GTF2F2: variants seen among roughly 807,000 people sequenced by gnomAD.
GTF2F2 encodes general transcription factor IIF subunit 2.
In GTF2F2, 23 loss-of-function variants were observed where a neutral mutation model predicts 42.2. The ratio of observed to expected loss-of-function variants is 0.55; its 90% confidence interval spans 0.39 to 0.77. The LOEUF (loss-of-function observed/expected upper bound fraction) is 0.77, where lower values mean the gene tolerates loss of function less well. Ranked by LOEUF, GTF2F2 falls within the 30% of genes least tolerant of loss-of-function variation. The probability of loss-of-function intolerance (pLI) is 0.00; values close to 1 mark genes in which losing one functional copy is unlikely to be tolerated. For missense variants in GTF2F2, 261 were observed against 287.2 expected, an observed-to-expected ratio of 0.91 and a Z score of 0.66; for synonymous variants, 105 against 100.8, an observed-to-expected ratio of 1.04 and a Z score of -0.25.
At chr13:45,182,385 C>G (rs757873672) in intron 4 of GTF2F2, among the ~76,000 whole-genome samples, 1 of 152,122 alleles carries the variant, frequency 6.6e-6, no homozygotes, top group African/African-American at 2.4e-5. Context: ...GTATGAATCA[C>G]TGCACCCGGC....
chr13:45,259,847 C>G (rs1034130674), intron 6 of GTF2F2, among the ~76,000 whole-genome samples: 1 of 151,904 alleles, frequency 6.6e-6, no homozygotes, highest in African/African-American at 2.4e-5. Flanking sequence ...ATCTCGGCCT[C>G]CCAAAGTGTT....
intron 4 of GTF2F2, chr13:45,193,500 A>G: frequency 3.4e-6 from 1 of 291,686 alleles, no homozygotes; most frequent in East Asian, 5.9e-5. Flanking sequence ...TCTGAATTGA[A>G]AGACAGCTTA....
At chr13:45,171,141 G>C (rs566355477) in intron 4 of GTF2F2, among the ~76,000 whole-genome samples, 1 of 130,082 alleles carries the variant, frequency 7.7e-6, no homozygotes, top group South Asian at 2.4e-4. Context: ...GCAGTAATTC[G>C]ATCTTGGCTC....
intron 4 of GTF2F2, among the ~76,000 whole-genome samples, chr13:45,190,760 TG>T: frequency 6.6e-6 from 1 of 152,072 alleles, no homozygotes; most frequent in East Asian, 1.9e-4. Context: ...TTTTTGTTTT[TG>T]TTTTTTTTGA....
At chr13:45,238,095 A>G (rs981198961) in intron 5 of GTF2F2, among the ~76,000 whole-genome samples, 5 of 152,186 alleles carry the variant, frequency 3.3e-5, no homozygotes, top group Admixed American at 6.5e-5. Context: ...CTGGGATTAC[A>G]GGTGCACACC....
At chr13:45,124,954 A>G (rs1364236766) in intron 1 of GTF2F2, among the ~76,000 whole-genome samples, 1 of 152,204 alleles carries the variant, frequency 6.6e-6, no homozygotes, top group Non-Finnish European at 1.5e-5. Flanking sequence ...TGCTGGGATT[A>G]TAGATGTGAG....
chr13:45,186,788 CGAG>C (rs1298398442), intron 4 of GTF2F2, among the ~76,000 whole-genome samples: 1 of 151,912 alleles, frequency 6.6e-6, no homozygotes, highest in Non-Finnish European at 1.5e-5. Context: ...CCTGTTTTAA[CGAG>C]GCAAAAATCA....
chr13:45,162,066 TA>T (rs971133179), intron 4 of GTF2F2, among the ~76,000 whole-genome samples: 46 of 152,322 alleles, frequency 3.0e-4, no homozygotes, highest in African/African-American at 1.0e-3. Context: ...GAGGGACTTT[TA>T]AAAAATCTTC....
chr13:45,271,346 C>T (rs993787167), intron 7 of GTF2F2, among the ~76,000 whole-genome samples: 2 of 151,670 alleles, frequency 1.3e-5, no homozygotes, highest in Non-Finnish European at 2.9e-5. Flanking sequence ...GCACCACCTA[C>T]CCAATTTCAA....
chr13:45,209,553 A>G (rs1873549963), intron 5 of GTF2F2, among the ~76,000 whole-genome samples: 1 of 152,200 alleles, frequency 6.6e-6, no homozygotes, highest in Non-Finnish European at 1.5e-5. Flanking sequence ...GTGGAGAAAG[A>G]GATGGGGTAA....
chr13:45,212,255 GT>G (rs927554175), intron 5 of GTF2F2, among the ~76,000 whole-genome samples: 3 of 152,062 alleles, frequency 2.0e-5, no homozygotes, highest in East Asian at 1.9e-4. Flanking sequence ...TCATATTCAA[GT>G]TTTTTTATTA....
intron 7 of GTF2F2, 90 bp downstream of exon 7, chr13:45,267,466 A>G (rs1324777324): frequency 3.4e-6 from 3 of 879,944 alleles, no homozygotes; most frequent in Non-Finnish European, 5.1e-6. Flanking sequence ...TTTAGTTCAC[A>G]TTTACCTATG....
chr13:45,274,789 AAAAAT>A (rs1876957503), intron 7 of GTF2F2, among the ~76,000 whole-genome samples: 2 of 152,078 alleles, frequency 1.3e-5, no homozygotes, highest in Non-Finnish European at 2.9e-5. Context: ...CAAAAAACAC[AAAAAT>A]TAGCCAGGCA....
At chr13:45,181,304 G>A (rs1341682260) in intron 4 of GTF2F2, among the ~76,000 whole-genome samples, 4 of 151,806 alleles carry the variant, frequency 2.6e-5, no homozygotes, top group African/African-American at 9.7e-5. Context: ...AAAGGAAAGG[G>A]TCATACTTTT....
At chr13:45,123,303 C>G (rs1008862752) in intron 1 of GTF2F2, 2 of 152,290 alleles carry the variant, frequency 1.3e-5, no homozygotes, top group Non-Finnish European at 2.9e-5. Context: ...TTGTACTCCC[C>G]TGCTAGAACC....
chr13:45,221,784 T>A (rs1274450938), intron 5 of GTF2F2, among the ~76,000 whole-genome samples: 1 of 152,230 alleles, frequency 6.6e-6, no homozygotes, highest in African/African-American at 2.4e-5. Context: ...AACTTTGATC[T>A]GATCCTGAAG....
At chr13:45,150,058 G>A (rs185951684) in intron 3 of GTF2F2, among the ~76,000 whole-genome samples, 6 of 152,132 alleles carry the variant, frequency 3.9e-5, no homozygotes, top group Admixed American at 2.6e-4. Context: ...TTACTAATAC[G>A]TTAGTATTAC....
At chr13:45,188,801 G>A (rs1327440489) in intron 4 of GTF2F2, among the ~76,000 whole-genome samples, 2 of 152,046 alleles carry the variant, frequency 1.3e-5, no homozygotes, top group African/African-American at 4.8e-5. Flanking sequence ...GGATTATACA[G>A]TCATAAAAAG....
At chr13:45,268,795 G>C (rs895399077) in intron 7 of GTF2F2, among the ~76,000 whole-genome samples, 4 of 152,118 alleles carry the variant, frequency 2.6e-5, no homozygotes, top group Non-Finnish European at 5.9e-5. Flanking sequence ...TTGTAGAGGG[G>C]CATTCAGATG....
Sources: allele counts gnomAD v4.1 joint callset (sites outside exome capture counted in the v4.1 genomes callset), GRCh38; gene constraint gnomAD v4.1.1; transcripts MANE v1.5; gene names NCBI Gene and HGNC (gene_info 2026-07-23, HGNC 2026-07-21).